The following CTNND2 variants were observed in gnomAD, a reference collection of about 807,000 sequenced individuals.
CTNND2 encodes the protein catenin delta-2.
Under a neutral mutation model 144.4 loss-of-function variants are expected in CTNND2, and 22 were observed. That is an observed-to-expected ratio of 0.15 (90% CI 0.11 to 0.22). CTNND2 has a LOEUF of 0.22. Among genes scored for constraint, CTNND2 ranks in the 10% least tolerant of loss-of-function variants. CTNND2 has a pLI of 1.00. For synonymous variants in CTNND2, 751 were observed against 695.6 expected (o/e 1.08, Z -1.25); for missense variants, 1,353 against 1,618.8 (o/e 0.84, Z 2.82).
chr5:11,741,509 G>A (rs937681901), intron 1 of CTNND2, among the ~76,000 whole-genome samples: 35 of 151,944 alleles, frequency 2.3e-4, no homozygotes, highest in African/African-American at 8.2e-4. Flanking sequence ...ACAGGTGGGA[G>A]GTGAACAATG....
chr5:11,213,611 T>C (rs1318230553), intron 10 of CTNND2, among the ~76,000 whole-genome samples: 1 of 152,098 alleles, frequency 6.6e-6, no homozygotes, highest in East Asian at 1.9e-4. Flanking sequence ...TCTGTGACCC[T>C]TGAAATTTAC....
chr5:11,251,584 G>A (rs1465994824), intron 9 of CTNND2, among the ~76,000 whole-genome samples: 2 of 152,136 alleles, frequency 1.3e-5, no homozygotes, highest in African/African-American at 4.8e-5. Context: ...GGAATCCCTC[G>A]AATTTCCTAT....
intron 2 of CTNND2, among the ~76,000 whole-genome samples, chr5:11,656,486 AG>A (rs1356199458): frequency 6.6e-6 from 1 of 151,846 alleles, no homozygotes; most frequent in African/African-American, 2.4e-5. Context: ...TCAGTGTATT[AG>A]GTAAAGGTTC....
intron 12 of CTNND2, among the ~76,000 whole-genome samples, chr5:11,143,076 G>T (rs545746389): frequency 6.6e-6 from 1 of 152,046 alleles, no homozygotes; most frequent in African/African-American, 2.4e-5. Context: ...ATATGTGCCC[G>T]AGCAAAGGGC....
Position 11,628,183 on chromosome 5 carries a change from A to G in CTNND2, c.175-63127T>C, listed in dbSNP as rs145894265. Among the ~76,000 whole-genome samples, 1,188 of 152,326 alleles carry G rather than the reference A, an allele frequency of 7.8e-3. 11 individuals carry two copies. Among genetic ancestry groups the G allele is most frequent in the African/African-American group, 0.027 (1,109 of 41,578 alleles). ...GTTTTCACCATGCGGAACAATGGGT[A>G]AATCCAAAAAGACAGAATTTAAACA... On this transcript the variant is annotated intron_variant, in intron 2 of 21. Transcript: ENST00000304623.
chr5:11,868,866 A>C (rs1795898781), intron 1 of CTNND2, among the ~76,000 whole-genome samples: 1 of 152,130 alleles, frequency 6.6e-6, no homozygotes, highest in African/African-American at 2.4e-5. Flanking sequence ...TGGACCTTAG[A>C]CTTCTCAGCC....
intron 3 of CTNND2, among the ~76,000 whole-genome samples, chr5:11,476,930 C>T (rs1290812113): frequency 1.3e-5 from 2 of 152,004 alleles, no homozygotes; most frequent in Admixed American, 1.3e-4. Context: ...GAATTATTTG[C>T]CAGAAGTAAA....
intron 12 of CTNND2, among the ~76,000 whole-genome samples, chr5:11,147,191 G>A (rs1218109872): frequency 1.3e-5 from 2 of 152,096 alleles, no homozygotes; most frequent in African/African-American, 2.4e-5. Context: ...GTGAAGTGAT[G>A]GGCCTTAAAT....
chr5:11,370,789 G>T (rs1757400958), intron 7 of CTNND2, among the ~76,000 whole-genome samples: 1 of 152,198 alleles, frequency 6.6e-6, no homozygotes, highest in African/African-American at 2.4e-5. Context: ...CAAAGAAATG[G>T]AGGGAGAAAA....
chr5:11,639,552 T>C (rs1301258041), intron 2 of CTNND2, among the ~76,000 whole-genome samples: 3 of 152,196 alleles, frequency 2.0e-5, no homozygotes, highest in Non-Finnish European at 4.4e-5. Context: ...TCTAATACGA[T>C]ATTAACATTA....
Position 11,728,456 on chromosome 5 carries a change from C to T in CTNND2, c.174+3680G>A, listed in dbSNP as rs550496354. Among the ~76,000 whole-genome samples, 173 of 152,164 alleles carry T rather than the reference C, an allele frequency of 1.1e-3. 2 individuals are homozygous for T. The South Asian group carries it at 0.031, about 27-fold the overall frequency. ...TCGCACCACCGCACTCTAGCCTGGG[C>T]GACAGAGCGACACTCCATCTCAAAA... is the stretch of plus-strand genomic sequence containing the variant. On this transcript the variant is annotated intron_variant, in intron 2 of 21. Transcript: ENST00000304623.
intron 11 of CTNND2, among the ~76,000 whole-genome samples, chr5:11,164,565 C>G (rs1429374015): frequency 6.6e-6 from 1 of 152,126 alleles, no homozygotes; most frequent in African/African-American, 2.4e-5. Flanking sequence ...GGGCCAGGTA[C>G]CATATAGCTC....
Position 10,992,537 on chromosome 5 carries a change from C to T in CTNND2, c.3211+14G>A, listed in dbSNP as rs200495933. 36 of 1,613,656 alleles carry T rather than the reference C, an allele frequency of 2.2e-5. No individual in the cohort carries two copies. The African/African-American group carries it at 2.7e-4, about 12-fold the overall frequency. ...GAAATAAAGCCTGGCTGGCTAGCCACGGCAGCCTCTTACCTGAGCGGTTGT... is the reference window on the plus strand; with the variant it reads ...GAAATAAAGCCTGGCTGGCTAGCCATGGCAGCCTCTTACCTGAGCGGTTGT... On this transcript the variant is annotated intron_variant, in intron 19 of 21. Coordinates refer to ENST00000304623, the MANE Select transcript of CTNND2 (RefSeq NM_001332.4).
intron 2 of CTNND2, among the ~76,000 whole-genome samples, chr5:11,600,951 A>G (rs970819342): frequency 2.0e-5 from 3 of 152,148 alleles, no homozygotes; most frequent in Non-Finnish European, 2.9e-5. Flanking sequence ...GTAAAGAGCT[A>G]AACTAAATGA....
intron 2 of CTNND2, among the ~76,000 whole-genome samples, chr5:11,693,243 A>T (rs532114358): frequency 1.1e-4 from 16 of 152,326 alleles, no homozygotes; most frequent in African/African-American, 3.8e-4. Flanking sequence ...ATATGCCAGT[A>T]CCTTGATCAA....
intron 1 of CTNND2, among the ~76,000 whole-genome samples, chr5:11,816,194 G>A (rs1171274001): frequency 6.6e-6 from 1 of 152,222 alleles, no homozygotes; most frequent in Non-Finnish European, 1.5e-5. Flanking sequence ...AGGGCGAGGA[G>A]AGAGGATGTG....
chr5:11,824,687 T>G (rs1343250210), intron 1 of CTNND2, among the ~76,000 whole-genome samples: 1 of 151,936 alleles, frequency 6.6e-6, no homozygotes, highest in Non-Finnish European at 1.5e-5. Context: ...AGAGGATAGG[T>G]TCTGTAAAAC....
chr5:11,619,684 T>C (rs951347091), intron 2 of CTNND2, among the ~76,000 whole-genome samples: 2 of 152,208 alleles, frequency 1.3e-5, no homozygotes, highest in African/African-American at 4.8e-5. Flanking sequence ...ACAGAAGGCA[T>C]ATGCATTTTG....
At chr5:11,186,003 T>G (rs1735584388) in intron 11 of CTNND2, among the ~76,000 whole-genome samples, 1 of 152,180 alleles carries the variant, frequency 6.6e-6, no homozygotes, top group African/African-American at 2.4e-5. Context: ...ACCTAACAAA[T>G]GGAAATGCGC....
Sources: allele counts gnomAD v4.1 joint callset (sites outside exome capture counted in the v4.1 genomes callset), GRCh38; gene constraint gnomAD v4.1.1; transcripts MANE v1.5; gene names NCBI Gene and HGNC (gene_info 2026-07-23, HGNC 2026-07-21).